Variants in SLC9C2 observed in about 807,000 individuals in gnomAD.
The protein encoded by SLC9C2 is sodium/hydrogen exchanger 11.
Under a neutral mutation model 140.2 loss-of-function variants are expected in SLC9C2, and 75 were observed. The observed-to-expected ratio is 0.53, with a 90% confidence interval of 0.44 to 0.65. The LOEUF (loss-of-function observed/expected upper bound fraction) is 0.65, where lower values mean the gene tolerates loss of function less well. Among genes scored for constraint, SLC9C2 ranks in the 30% least tolerant of loss-of-function variants. The pLI is 0.00. For missense variants in SLC9C2, 1,074 were observed against 1,331.8 expected (o/e 0.81, Z 3.01); for synonymous variants, 375 against 420.9 (o/e 0.89, Z 1.34).
intron 13 of SLC9C2, among the ~76,000 whole-genome samples, chr1:173,539,932 C>T (rs1662251560): frequency 6.6e-6 from 1 of 152,044 alleles, no homozygotes; most frequent in Non-Finnish European, 1.5e-5. Flanking sequence ...GTGTCCATGC[C>T]CACTTTGCAA....
rs776191766 is a variant in SLC9C2, at chr1:173,576,720, A to G, written c.843T>C (p.Ala281=). ...TTAAAGAATCTAAATTCAGTCCTACAGCGGCTAAGGCAAGAGTGCCTGACA... is the reference window on the plus strand; with the variant it reads ...TTAAAGAATCTAAATTCAGTCCTACGGCGGCTAAGGCAAGAGTGCCTGACA... The part of the protein sequence containing the change: ...LGMSGTLALA[A]VGLNLDSLTF... Residue 281 remains alanine, a synonymous_variant, in exon 8 of 28, where the codon GCT becomes GCC. Coordinates refer to ENST00000367714, the MANE Select transcript of SLC9C2 (RefSeq NM_178527.4). 1 of 1,609,812 alleles carries G rather than the reference A, an allele frequency of 6.2e-7. No homozygotes were observed. The highest frequency in any genetic ancestry group is 2.2e-5 in the East Asian group (1 of 44,856).
Position 173,506,898 on chromosome 1 carries a change from T to C in SLC9C2, c.3183A>G (p.Glu1061=), listed in dbSNP as rs1659678533. Residue 1061 remains glutamate, a synonymous_variant, in exon 25 of 28, where the codon GAA becomes GAG. Transcript: ENST00000367714. ...YGSVIDTKTE[E]PYFAPCIIPT... is the part of the protein sequence containing the mutation. Reference sequence around the variant, plus strand: ...GTATAATGCAAGGTGCAAAATATGGTTCCTCTGTCTTAGTATCAATTACAC... The same window carrying C: ...GTATAATGCAAGGTGCAAAATATGGCTCCTCTGTCTTAGTATCAATTACAC... 5 of 1,613,734 alleles carry C rather than the reference T, an allele frequency of 3.1e-6. No individual in the cohort carries two copies. The highest frequency in any genetic ancestry group is 4.2e-6 in the Non-Finnish European group (5 of 1,179,886).
At chr1:173,560,240 T>G (rs542318985) in intron 9 of SLC9C2, among the ~76,000 whole-genome samples, 2 of 152,326 alleles carry the variant, frequency 1.3e-5, no homozygotes, top group East Asian at 1.9e-4. Flanking sequence ...TTTAATATAT[T>G]GCAGGAACAC....
intron 25 of SLC9C2, 75 bp downstream of exon 25, chr1:173,506,781 T>C: frequency 8.2e-7 from 1 of 1,223,714 alleles, no homozygotes; most frequent in Admixed American, 2.4e-5. Flanking sequence ...CTTTTTAAGG[T>C]GATCAGTTGA....
intron 23 of SLC9C2, 105 bp from the exon 24 acceptor site, chr1:173,509,804 A>G (rs1571427603): frequency 1.8e-6 from 2 of 1,131,886 alleles, no homozygotes; most frequent in Non-Finnish European, 2.5e-6. Flanking sequence ...AAAACTATCA[A>G]TTCTAGCATA....
intron 23 of SLC9C2, among the ~76,000 whole-genome samples, chr1:173,511,455 AT>A (rs35691409): frequency 0.51 from 77,498 of 151,876 alleles, 21,523 homozygotes; most frequent in East Asian, 0.95. Context: ...GGCTACGTAA[AT>A]TGTCTTCTTT....
intron 4 of SLC9C2, 99 bp from the exon 5 acceptor site, chr1:173,587,929 T>G: frequency 1.1e-6 from 1 of 889,976 alleles, no homozygotes; most frequent in Non-Finnish European, 1.7e-6. Flanking sequence ...TTGTAAATGT[T>G]ATACAATTAC....
chr1:173,535,845 T>C lies in SLC9C2; in HGVS notation c.1760A>G (p.His587Arg). 9 of 1,512,484 alleles carry C rather than the reference T, an allele frequency of 6.0e-6. No homozygotes were observed. Among genetic ancestry groups the C allele is most frequent in the Non-Finnish European group, 8.0e-6 (9 of 1,121,930 alleles). 93.7% of individuals were successfully genotyped at this position (1,512,484 alleles called of 1,614,324 possible). Reference sequence around the variant, plus strand: ...CAATACTTACTCAGGTGGAATAAAATGTATCTTTTCTATACAATATTCCAA... The same window carrying C: ...CAATACTTACTCAGGTGGAATAAAACGTATCTTTTCTATACAATATTCCAA... ...TFLEYCIEKIHFIPPESNTFL... is the reference protein window; with the variant it reads ...TFLEYCIEKIRFIPPESNTFL... Residue 587 changes from histidine (H) to arginine (R), a missense_variant, in exon 15 of 28, where the codon CAT (histidine) becomes CGT (arginine). Transcript: ENST00000367714.
At chr1:173,517,403 G>A in intron 23 of SLC9C2, 134 bp downstream of exon 23, 1 of 765,462 alleles carries the variant, frequency 1.3e-6, no homozygotes, top group Non-Finnish European at 2.0e-6. Context: ...CACTAAATCT[G>A]CCTTTTCAGC....
In SLC9C2 at chr1:173,541,218, G is replaced by A. The variant is rs1180868685; in HGVS notation, c.1558-4179C>T. ...AGCAGGGGTTGCAATCCTAGTCTCT[G>A]ATAAAACAGACTTTAAACCAACAAA... On this transcript the variant is annotated intron_variant, in intron 13 of 27. Coordinates refer to ENST00000367714, the MANE Select transcript of SLC9C2 (RefSeq NM_178527.4). Among the ~76,000 whole-genome samples the A allele has an allele frequency of 4.0e-5, 6 of 151,760 alleles. No homozygotes were observed. The South Asian group carries it at 6.2e-4, about 16-fold the overall frequency.
intron 23 of SLC9C2, among the ~76,000 whole-genome samples, chr1:173,517,161 T>A (rs1184947815): frequency 6.6e-6 from 1 of 152,258 alleles, no homozygotes. Flanking sequence ...TTAATGGAGT[T>A]GTTTTAAAAA....
At chr1:173,511,586 C>A (rs1660061166) in intron 23 of SLC9C2, among the ~76,000 whole-genome samples, 1 of 152,064 alleles carries the variant, frequency 6.6e-6, no homozygotes, top group African/African-American at 2.4e-5. Flanking sequence ...ATTGCAATAA[C>A]TTTCTCCCAT....
At chr1:173,504,498 T>C (rs1379404932) in intron 26 of SLC9C2, among the ~76,000 whole-genome samples, 1 of 152,092 alleles carries the variant, frequency 6.6e-6, no homozygotes, top group Admixed American at 6.5e-5. Flanking sequence ...AACAATCCAT[T>C]AAGAATTGCA....
At chr1:173,536,845 G>T in intron 14 of SLC9C2, 97 bp downstream of exon 14, 2 of 861,124 alleles carry the variant, frequency 2.3e-6, no homozygotes, top group South Asian at 1.5e-5. Context: ...TGAAATAATA[G>T]ATTGATCAAT....
chr1:173,544,899 C>G (rs150285979), intron 13 of SLC9C2, among the ~76,000 whole-genome samples: 82 of 152,202 alleles, frequency 5.4e-4, no homozygotes, highest in African/African-American at 1.9e-3. Context: ...GGAGAAATAC[C>G]TAACGTAAAT....
At chr1:173,542,434 A>G (rs886551499) in intron 13 of SLC9C2, among the ~76,000 whole-genome samples, 1 of 152,244 alleles carries the variant, frequency 6.6e-6, no homozygotes, top group Non-Finnish European at 1.5e-5. Flanking sequence ...AGAAGTACAA[A>G]GATGAGCTGC....
At chr1:173,566,334 T>TTA (rs1024879310) in intron 9 of SLC9C2, among the ~76,000 whole-genome samples, 4 of 152,208 alleles carry the variant, frequency 2.6e-5, no homozygotes, top group Admixed American at 2.6e-4. Flanking sequence ...CTGGGGGACT[T>TTA]TTTATTACAG....
chr1:173,583,576 G>C lies in SLC9C2; in HGVS notation c.570C>G (p.Ile190Met). 1 of 1,609,832 alleles carries C rather than the reference G, an allele frequency of 6.2e-7. No homozygotes were observed. The highest frequency in any genetic ancestry group is 8.5e-7 in the Non-Finnish European group (1 of 1,178,076). ...AAAAAATTGATGCGATGCTACAAAT[G>C]ATCAATGATTCTCCTCTAATGAGAT... ...YIDLIRGESL[I>M]ICSIASIFFG... The change falls in exon 6 of 28, where the codon ATC (isoleucine) becomes ATG (methionine). Residue 190 changes from isoleucine to methionine, a missense_variant. Ile to Met is a conservative substitution (Grantham distance 10). Transcript: ENST00000367714.
intron 9 of SLC9C2, among the ~76,000 whole-genome samples, chr1:173,563,415 C>T (rs757963169): frequency 7.3e-5 from 11 of 151,318 alleles, no homozygotes; most frequent in African/African-American, 1.9e-4. Context: ...TTTTTTTTAA[C>T]GCTCCCTCAA....
Sources: gnomAD v4.1 joint callset for allele counts (sites outside exome capture counted in the v4.1 genomes callset) on GRCh38, gnomAD v4.1.1 for gene constraint, MANE v1.5 for transcripts, NCBI Gene and HGNC (gene_info 2026-07-23, HGNC 2026-07-21) for gene names.